SLC25A12: variants seen among roughly 807,000 people sequenced by gnomAD.
SLC25A12 encodes the protein electrogenic aspartate/glutamate antiporter SLC25A12, mitochondrial.
Under a neutral mutation model 83.3 loss-of-function variants are expected in SLC25A12, and 32 were observed. The observed-to-expected ratio is 0.38, with a 90% confidence interval of 0.29 to 0.52. The LOEUF (loss-of-function observed/expected upper bound fraction) is 0.52, where lower values mean the gene tolerates loss of function less well. Among genes scored for constraint, SLC25A12 ranks in the 20% least tolerant of loss-of-function variants. SLC25A12 has a pLI of 0.84. For synonymous variants in SLC25A12, 267 were observed against 291.1 expected (o/e 0.92, Z 0.84); for missense variants, 611 against 835.6 (o/e 0.73, Z 3.31).
chr2:171,881,703 G>A (rs938167274), intron 2 of SLC25A12, among the ~76,000 whole-genome samples: 1 of 152,176 alleles, frequency 6.6e-6, no homozygotes, highest in African/African-American at 2.4e-5. Flanking sequence ...TCTAGGCTAT[G>A]AGTCCTTTAA....
chr2:171,807,938 T>C (rs10803864), intron 13 of SLC25A12, among the ~76,000 whole-genome samples: 147,818 of 152,290 alleles, frequency 0.97, 71,890 homozygotes, highest in Middle Eastern at 1. Flanking sequence ...TCAAAGAGAA[T>C]CTGGAGCAAC....
chr2:171,789,295 C>A (rs183212918), intron 15 of SLC25A12, among the ~76,000 whole-genome samples: 6 of 152,256 alleles, frequency 3.9e-5, no homozygotes, highest in Admixed American at 2.6e-4. Context: ...GTGGCACAAT[C>A]TCGGCTCACT....
chr2:171,857,245 C>T (rs1041971420), intron 3 of SLC25A12, among the ~76,000 whole-genome samples: 2 of 152,016 alleles, frequency 1.3e-5, no homozygotes, highest in African/African-American at 2.4e-5. Context: ...GTGGCACACA[C>T]CTGTAATCCC....
At chr2:171,815,235 T>C in intron 9 of SLC25A12, 33 bp from the exon 10 acceptor site, 1 of 1,468,196 alleles carries the variant, frequency 6.8e-7, no homozygotes, top group Non-Finnish European at 9.5e-7. Flanking sequence ...AAAAAAATCT[T>C]GAAAGCGCAC....
chr2:171,810,381 CAG>C (rs1048597853), intron 11 of SLC25A12, 105 bp from the exon 12 acceptor site: 1 of 895,850 alleles, frequency 1.1e-6, no homozygotes, highest in Non-Finnish European at 1.9e-6. Context: ...TCAAACATTG[CAG>C]AGTTTTCATT....
intron 8 of SLC25A12, among the ~76,000 whole-genome samples, chr2:171,833,077 T>C (rs557936915): frequency 1.4e-4 from 21 of 152,258 alleles, no homozygotes; most frequent in African/African-American, 5.1e-4. Context: ...GTTCATCTTT[T>C]TACCAGATTA....
At chr2:171,822,991 T>C (rs1024396631) in intron 9 of SLC25A12, among the ~76,000 whole-genome samples, 1 of 152,192 alleles carries the variant, frequency 6.6e-6, no homozygotes, top group Non-Finnish European at 1.5e-5. Flanking sequence ...AATCAAGATA[T>C]CTTCTGGAAG....
intron 14 of SLC25A12, 80 bp from the exon 15 acceptor site, chr2:171,791,669 C>A: frequency 7.3e-7 from 1 of 1,364,674 alleles, no homozygotes; most frequent in South Asian, 1.2e-5. Flanking sequence ...TGACATTTGT[C>A]AGTGACAAGC....
At chr2:171,832,268 T>G (rs886177458) in intron 8 of SLC25A12, among the ~76,000 whole-genome samples, 2 of 152,178 alleles carry the variant, frequency 1.3e-5, no homozygotes, top group Non-Finnish European at 2.9e-5. Context: ...AGGTGGTTGC[T>G]GGTGGACACT....
At chr2:171,798,989 G>C (rs1056955071) in intron 13 of SLC25A12, among the ~76,000 whole-genome samples, 1 of 152,086 alleles carries the variant, frequency 6.6e-6, no homozygotes, top group African/African-American at 2.4e-5. Context: ...TTATAAATGA[G>C]GTTGAAGGGA....
intron 7 of SLC25A12, 64 bp downstream of exon 7, chr2:171,834,663 C>T (rs1427254374): frequency 3.1e-5 from 48 of 1,548,966 alleles, no homozygotes; most frequent in Non-Finnish European, 4.2e-5. Context: ...AGATCAACAT[C>T]ATGCCTCAGT....
chr2:171,796,523 G>A (rs1683600829), intron 13 of SLC25A12, among the ~76,000 whole-genome samples: 1 of 152,154 alleles, frequency 6.6e-6, no homozygotes, highest in African/African-American at 2.4e-5. Flanking sequence ...TAACATACAA[G>A]CCAAGTGCAA....
intron 3 of SLC25A12, among the ~76,000 whole-genome samples, chr2:171,857,098 G>T (rs1685062240): frequency 6.6e-6 from 1 of 152,226 alleles, no homozygotes; most frequent in Non-Finnish European, 1.5e-5. Context: ...AGGCACAGTG[G>T]CTCACATCTG....
intron 2 of SLC25A12, among the ~76,000 whole-genome samples, chr2:171,887,273 A>G (rs566001157): frequency 1.3e-5 from 2 of 152,360 alleles, no homozygotes; most frequent in East Asian, 3.9e-4. Context: ...TAAGACAGGA[A>G]AAAAGCACAT....
chr2:171,860,356 G>A (rs1685128391), intron 3 of SLC25A12, among the ~76,000 whole-genome samples: 1 of 152,134 alleles, frequency 6.6e-6, no homozygotes, highest in East Asian at 1.9e-4. Flanking sequence ...TGAGGCGGGT[G>A]GATCACTTGA....
At position 171,789,285 on chromosome 2, in the gene SLC25A12, G is replaced by A. The variant is rs546055774; in HGVS notation, c.1586-1338C>T. On this transcript the variant is annotated intron_variant, in intron 15 of 17. Transcript: ENST00000422440. ...ACTCTGTCGCCCAGGCTGGAGTGCAGTGGCACAATCTCGGCTCACTGCAAG... is the reference window on the plus strand; with the variant it reads ...ACTCTGTCGCCCAGGCTGGAGTGCAATGGCACAATCTCGGCTCACTGCAAG... Among the ~76,000 whole-genome samples the A allele has an allele frequency of 1.1e-4, 17 of 152,228 alleles. No individual in the cohort carries two copies. The East Asian group carries it at 2.9e-3, about 26-fold the overall frequency.
chr2:171,870,391 G>T (rs1685433146), intron 2 of SLC25A12, among the ~76,000 whole-genome samples: 1 of 152,196 alleles, frequency 6.6e-6, no homozygotes, highest in African/African-American at 2.4e-5. Flanking sequence ...GGGAGGCCAA[G>T]GCGGGCAACT....
At chr2:171,861,620 T>C (rs1685161779) in intron 3 of SLC25A12, among the ~76,000 whole-genome samples, 1 of 152,158 alleles carries the variant, frequency 6.6e-6, no homozygotes, top group Non-Finnish European at 1.5e-5. Context: ...GTTACCCCGG[T>C]TGGTTTTGAA....
At chr2:171,822,617 C>A (rs1053820924) in intron 9 of SLC25A12, among the ~76,000 whole-genome samples, 1 of 152,112 alleles carries the variant, frequency 6.6e-6, no homozygotes, top group Non-Finnish European at 1.5e-5. Context: ...AACTCCTGGG[C>A]TCAAAACAAC....
Sources: allele counts gnomAD v4.1 joint callset (sites outside exome capture counted in the v4.1 genomes callset), GRCh38; gene constraint gnomAD v4.1.1; transcripts MANE v1.5; gene names NCBI Gene and HGNC (gene_info 2026-07-23, HGNC 2026-07-21).